AXDND1: variants seen among roughly 807,000 people sequenced by gnomAD.
The protein encoded by AXDND1 is axonemal dynein light chain domain-containing protein 1.
In AXDND1, 110 loss-of-function variants were observed where a neutral mutation model predicts 137.5. The observed-to-expected ratio is 0.80, with a 90% CI of 0.69 to 0.94. The LOEUF (loss-of-function observed/expected upper bound fraction) is 0.94, where lower values mean the gene tolerates loss of function less well. AXDND1 is among the 40% of genes least tolerant of loss of function. AXDND1 has a pLI of 0.00. For synonymous variants in AXDND1, 414 were observed against 399.7 expected (o/e 1.04, Z -0.43); for missense variants, 1,191 against 1,169.8 (o/e 1.02, Z -0.26).
intron 4 of AXDND1, among the ~76,000 whole-genome samples, chr1:179,370,362 T>C (rs1451909013): frequency 1.3e-5 from 2 of 152,228 alleles, no homozygotes; most frequent in Non-Finnish European, 2.9e-5. Context: ...TATTCCCTGT[T>C]GTACCCTAGT....
intron 12 of AXDND1, among the ~76,000 whole-genome samples, chr1:179,426,445 G>A (rs1396509385): frequency 6.6e-6 from 1 of 152,100 alleles, no homozygotes; most frequent in Admixed American, 6.6e-5. Context: ...TAGCATATGG[G>A]CAAACATAGA....
intron 15 of AXDND1, among the ~76,000 whole-genome samples, chr1:179,441,078 C>T (rs1658912084): frequency 6.6e-6 from 1 of 152,270 alleles, no homozygotes; most frequent in South Asian, 2.1e-4. Context: ...ATCCCTGAAA[C>T]GGGGTTGAGG....
intron 11 of AXDND1, among the ~76,000 whole-genome samples, chr1:179,400,986 C>T (rs61821540): frequency 4.8e-5 from 7 of 144,540 alleles, no homozygotes; most frequent in South Asian, 2.2e-4. Flanking sequence ...CGGCCAGGTG[C>T]GGTGGCTCAC....
chr1:179,474,610 A>G (rs1664380054), intron 17 of AXDND1, among the ~76,000 whole-genome samples: 2 of 152,186 alleles, frequency 1.3e-5, no homozygotes. Flanking sequence ...AATCTGAGGA[A>G]CTTTGAACTA....
rs1256699891 is a variant in AXDND1 at position 179,396,211 on chromosome 1, A to T, written c.1109+1009A>T. ...AAAAAAGAAAAATATTTGGAGATTT[A>T]AAAAAATACATCTATATCTATGTCT... On this transcript the variant is annotated intron_variant, in intron 11 of 25. Transcript: ENST00000367618. 2.0e-5 allele frequency among the ~76,000 whole-genome samples: 3 copies of T among 151,900 alleles called. No homozygotes were observed. In the East Asian group the frequency reaches 5.8e-4, roughly 29 times the overall value.
intron 21 of AXDND1, 100 bp from the exon 22 acceptor site, chr1:179,525,234 C>T (rs1670419914): frequency 1.7e-6 from 2 of 1,202,238 alleles, no homozygotes; most frequent in Middle Eastern, 2.9e-4. Context: ...GTCACTAGCA[C>T]AGTACCCAGC....
At chr1:179,512,496 C>T (rs1441329269) in intron 21 of AXDND1, among the ~76,000 whole-genome samples, 5 of 151,970 alleles carry the variant, frequency 3.3e-5, no homozygotes, top group South Asian at 4.2e-4. Context: ...TCAGGTAGTG[C>T]GATGCCTTCA....
chr1:179,505,109 G>A (rs1015990888), intron 20 of AXDND1, among the ~76,000 whole-genome samples: 2 of 134,380 alleles, frequency 1.5e-5, no homozygotes, highest in African/African-American at 5.0e-5. Flanking sequence ...TATGGTACAT[G>A]AATCTTTATG....
At chr1:179,482,304 C>G (rs67526731) in intron 17 of AXDND1, among the ~76,000 whole-genome samples, 69,241 of 151,524 alleles carry the variant, frequency 0.46, 16,700 homozygotes, top group East Asian at 0.76. Flanking sequence ...CACTGCCTTA[C>G]AAGCCCAGAC....
intron 4 of AXDND1, among the ~76,000 whole-genome samples, chr1:179,374,576 A>G (rs1212494669): frequency 6.6e-6 from 1 of 152,206 alleles, no homozygotes; most frequent in East Asian, 1.9e-4. Flanking sequence ...GAACCAACCC[A>G]AATGTCCATC....
intron 12 of AXDND1, among the ~76,000 whole-genome samples, chr1:179,424,697 T>C (rs555644862): frequency 1.1e-4 from 16 of 152,136 alleles, no homozygotes; most frequent in Non-Finnish European, 1.8e-4. Flanking sequence ...CCCAAAGTGC[T>C]AGGATTGCAG....
chr1:179,435,650 C>T (rs1223131845), intron 15 of AXDND1, among the ~76,000 whole-genome samples: 1 of 152,132 alleles, frequency 6.6e-6, no homozygotes, highest in Admixed American at 6.5e-5. Flanking sequence ...ATGCAGAAAA[C>T]TGAAACTTGA....
chr1:179,379,553 C>A lies in AXDND1; in HGVS notation c.581+71C>A, dbSNP rs187764548. On this transcript the variant is annotated intron_variant, in intron 6 of 25. Transcript: ENST00000367618. ...CCATGCCTGTAATCCCAGCACTTTGCGAGGCCAAGGCGGGTGGATCATCTG... is the reference window on the plus strand; with the variant it reads ...CCATGCCTGTAATCCCAGCACTTTGAGAGGCCAAGGCGGGTGGATCATCTG... The A allele has an allele frequency of 1.2e-5, 18 of 1,550,794 alleles. No individual in the cohort carries two copies. In the East Asian group the frequency reaches 4.1e-4, roughly 35 times the overall value.
chr1:179,540,718 G>A (rs953909092), intron 25 of AXDND1, among the ~76,000 whole-genome samples: 2 of 152,188 alleles, frequency 1.3e-5, no homozygotes, highest in Non-Finnish European at 2.9e-5. Flanking sequence ...GAGCTCGATC[G>A]CCATGCTGGG....
chr1:179,536,623 T>C (rs1037467034), intron 25 of AXDND1, among the ~76,000 whole-genome samples: 9 of 152,192 alleles, frequency 5.9e-5, no homozygotes, highest in Non-Finnish European at 1.2e-4. Context: ...AGCCTTGTAG[T>C]ATAGTTTGAA....
intron 6 of AXDND1, among the ~76,000 whole-genome samples, chr1:179,379,855 C>G (rs1036781616): frequency 1.3e-5 from 2 of 150,876 alleles, no homozygotes; most frequent in Non-Finnish European, 2.9e-5. Context: ...TTCCTCCTTC[C>G]CATACATAGA....
chr1:179,423,183 T>C lies in AXDND1; in HGVS notation c.1231-6335T>C, dbSNP rs1656028954. ...TCTTTTTGCTGAATTGAATCCTTTA[T>C]AATTATATAGTAACCTTTTTTTTTT... is the stretch of plus-strand genomic sequence containing the variant. On this transcript the variant is annotated intron_variant, in intron 12 of 25. Transcript: ENST00000367618. 2.9e-5 allele frequency among the ~76,000 whole-genome samples: 4 copies of C among 137,902 alleles called. No individual in the cohort carries two copies. In the Admixed American group the frequency reaches 3.2e-4, roughly 11 times the overall value. 90.5% of individuals were successfully genotyped at this position (137,902 alleles called of 152,430 possible).
chr1:179,388,976 C>CTTT (rs11373996), intron 9 of AXDND1, among the ~76,000 whole-genome samples: 36,199 of 112,094 alleles, frequency 0.32, 7,349 homozygotes, highest in Admixed American at 0.39. Context: ...TTTTTAGATT[C>CTTT]TTTTTTTTTT....
At chr1:179,462,184 G>A (rs1412490618) in intron 16 of AXDND1, among the ~76,000 whole-genome samples, 1 of 152,144 alleles carries the variant, frequency 6.6e-6, no homozygotes, top group East Asian at 1.9e-4. Context: ...CTGTGGGTTT[G>A]TCATAAATAG....
Sources: gnomAD v4.1 joint callset for allele counts (sites outside exome capture counted in the v4.1 genomes callset) on GRCh38, gnomAD v4.1.1 for gene constraint, MANE v1.5 for transcripts, NCBI Gene and HGNC (gene_info 2026-07-23, HGNC 2026-07-21) for gene names.